Variants in SPIDR observed in about 807,000 individuals in gnomAD.
The protein encoded by SPIDR is scaffold protein involved in DNA repair, also known as DNA repair-scaffolding protein.
Under a neutral mutation model 104.6 loss-of-function variants are expected in SPIDR, and 93 were observed. The ratio of observed to expected loss-of-function variants is 0.89; its 90% confidence interval spans 0.75 to 1.06. The LOEUF is 1.06. SPIDR is among the 50% of genes least tolerant of loss of function. The pLI is 0.00. For missense variants in SPIDR, 1,154 were observed against 1,111.2 expected (o/e 1.04, Z -0.55); for synonymous variants, 431 against 416.9 (o/e 1.03, Z -0.41).
chr8:47,386,973 A>G (rs1338612068), intron 5 of SPIDR, among the ~76,000 whole-genome samples: 5 of 151,544 alleles, frequency 3.3e-5, no homozygotes, highest in South Asian at 2.1e-4. Flanking sequence ...AGATACAGAT[A>G]TAGATTGAAC....
intron 5 of SPIDR, among the ~76,000 whole-genome samples, chr8:47,312,793 C>G (rs1351009500): frequency 6.6e-5 from 10 of 152,084 alleles, no homozygotes; most frequent in South Asian, 2.1e-4. Context: ...TGAAGTCCTT[C>G]CCCATGCCTA....
At chr8:47,657,065 C>A (rs910166740) in intron 10 of SPIDR, among the ~76,000 whole-genome samples, 4 of 152,000 alleles carry the variant, frequency 2.6e-5, no homozygotes, top group Non-Finnish European at 4.4e-5. Context: ...ATAAAAATAT[C>A]CTGGAATTAG....
intron 16 of SPIDR, among the ~76,000 whole-genome samples, chr8:47,723,802 C>T (rs2083795180): frequency 6.6e-6 from 1 of 152,102 alleles, no homozygotes. Flanking sequence ...CAATCAAGTC[C>T]ACTTTCAAAT....
At chr8:47,478,690 C>T (rs959488908) in intron 8 of SPIDR, among the ~76,000 whole-genome samples, 1 of 152,156 alleles carries the variant, frequency 6.6e-6, no homozygotes, top group African/African-American at 2.4e-5. Context: ...TCTCAGTGTT[C>T]ACAGATACTC....
intron 19 of SPIDR, among the ~76,000 whole-genome samples, chr8:47,731,700 G>A (rs553211870): frequency 4.2e-4 from 64 of 152,282 alleles, no homozygotes; most frequent in Non-Finnish European, 7.2e-4. Context: ...ACAGGCAACC[G>A]ACCACACAGC....
intron 8 of SPIDR, among the ~76,000 whole-genome samples, chr8:47,472,104 C>A (rs1456623889): frequency 6.6e-6 from 1 of 152,222 alleles, no homozygotes; most frequent in Non-Finnish European, 1.5e-5. Flanking sequence ...CAGAGTTTTT[C>A]TGTATCTTCC....
At chr8:47,455,606 C>A (rs2072805477) in intron 8 of SPIDR, among the ~76,000 whole-genome samples, 1 of 151,924 alleles carries the variant, frequency 6.6e-6, no homozygotes. Flanking sequence ...AAACAAGAAT[C>A]CACCTATAAG....
intron 8 of SPIDR, among the ~76,000 whole-genome samples, chr8:47,480,870 T>C (rs1187132070): frequency 6.6e-6 from 1 of 152,244 alleles, no homozygotes; most frequent in African/African-American, 2.4e-5. Flanking sequence ...TGATTTGTCA[T>C]TGTACAAACT....
chr8:47,428,819 G>T (rs1319783857), intron 7 of SPIDR, among the ~76,000 whole-genome samples: 1 of 152,200 alleles, frequency 6.6e-6, no homozygotes, highest in Non-Finnish European at 1.5e-5. Context: ...TTTGGCCAGA[G>T]AGGTTTTGCT....
At chr8:47,663,339 T>G (rs993282987) in intron 10 of SPIDR, among the ~76,000 whole-genome samples, 7 of 152,242 alleles carry the variant, frequency 4.6e-5, no homozygotes, top group African/African-American at 1.7e-4. Context: ...TGTGTGTGAT[T>G]GGTCTCTCTT....
intron 8 of SPIDR, among the ~76,000 whole-genome samples, chr8:47,499,780 C>T (rs533314148): frequency 8.6e-4 from 131 of 152,054 alleles, no homozygotes; most frequent in African/African-American, 2.8e-3. Context: ...TAATGCTATC[C>T]CTCCACCCTG....
intron 8 of SPIDR, among the ~76,000 whole-genome samples, chr8:47,479,170 C>G (rs1394485806): frequency 5.9e-5 from 9 of 151,874 alleles, no homozygotes; most frequent in Non-Finnish European, 1.2e-4. Context: ...ATCAGCCTGG[C>G]CAACATGGTA....
At chr8:47,419,730 T>C (rs1360360313) in intron 7 of SPIDR, among the ~76,000 whole-genome samples, 18 of 152,344 alleles carry the variant, frequency 1.2e-4, no homozygotes, top group African/African-American at 4.3e-4. Flanking sequence ...ATTTTAGATC[T>C]TTCCTGCTTT....
At chr8:47,395,510 TGAATTGTTGCTGACACA>T (rs2061152082) in intron 5 of SPIDR, among the ~76,000 whole-genome samples, 2 of 152,192 alleles carry the variant, frequency 1.3e-5, no homozygotes, top group Admixed American at 6.5e-5. Context: ...TATTGAAGGA[TGAATTGTTGCTGACACA>T]GAATAACATG....
chr8:47,695,451 G>A (rs901477208), intron 11 of SPIDR, among the ~76,000 whole-genome samples: 6 of 152,086 alleles, frequency 3.9e-5, no homozygotes, highest in South Asian at 2.1e-4. Context: ...TTATCTTCCC[G>A]TTTTCTGTTG....
intron 8 of SPIDR, among the ~76,000 whole-genome samples, chr8:47,525,107 A>G (rs1411775490): frequency 6.6e-6 from 1 of 152,186 alleles, no homozygotes; most frequent in Non-Finnish European, 1.5e-5. Flanking sequence ...TTGAAAACTG[A>G]ATCTGGTCAT....
intron 5 of SPIDR, among the ~76,000 whole-genome samples, chr8:47,331,965 C>CTTTTTTTTTTT (rs1183447584): frequency 2.2e-3 from 71 of 32,706 alleles, no homozygotes; most frequent in Admixed American, 4.5e-3. Context: ...TTTTTTTAAA[C>CTTTTTTTTTTT]TTTTTTTTTT....
chr8:47,731,862 AG>A (rs1345186830), intron 19 of SPIDR, among the ~76,000 whole-genome samples: 4 of 152,226 alleles, frequency 2.6e-5, no homozygotes, highest in Non-Finnish European at 5.9e-5. Context: ...CTGAGTTTTC[AG>A]GGAACACATC....
intron 8 of SPIDR, among the ~76,000 whole-genome samples, chr8:47,506,073 A>G (rs897471841): frequency 2.6e-5 from 4 of 152,158 alleles, no homozygotes; most frequent in African/African-American, 9.7e-5. Flanking sequence ...TTCTGCATGT[A>G]TAGTACCTCC....
Sources: allele counts gnomAD v4.1 joint callset (sites outside exome capture counted in the v4.1 genomes callset), GRCh38; gene constraint gnomAD v4.1.1; transcripts MANE v1.5; gene names NCBI Gene and HGNC (gene_info 2026-07-23, HGNC 2026-07-21).